PDE4D: variants seen among roughly 807,000 people sequenced by gnomAD.
PDE4D encodes the protein phosphodiesterase 4D, also known as 3',5'-cyclic-AMP phosphodiesterase 4D.
In PDE4D, 24 loss-of-function variants were observed where a neutral mutation model predicts 87.4. The observed-to-expected ratio is 0.27, with a 90% CI of 0.20 to 0.39. The LOEUF (loss-of-function observed/expected upper bound fraction) is 0.39, where lower values mean the gene tolerates loss of function less well. Ranked by LOEUF, PDE4D falls within the 10% of genes least tolerant of loss-of-function variation. The probability of loss-of-function intolerance (pLI) is 1.00; values close to 1 mark genes in which losing one functional copy is unlikely to be tolerated. For missense variants in PDE4D, 714 were observed against 1,041.0 expected (o/e 0.69, Z 4.32); for synonymous variants, 384 against 383.2 (o/e 1.00, Z -0.02).
intron 1 of PDE4D, among the ~76,000 whole-genome samples, chr5:59,410,090 C>A (rs1230750503): frequency 6.6e-6 from 1 of 152,106 alleles, no homozygotes; most frequent in African/African-American, 2.4e-5. Context: ...CAATTATATT[C>A]TTTTAGTTGC....
chr5:59,019,367 CTTATT>C (rs1286942063), intron 6 of PDE4D, among the ~76,000 whole-genome samples: 2 of 152,080 alleles, frequency 1.3e-5, no homozygotes, highest in Non-Finnish European at 2.9e-5. Context: ...CTAAAGTCAC[CTTATT>C]TTAGTTTCTT....
chr5:59,980,613 C>T (rs4699948), intron 3 of PDE4D, among the ~76,000 whole-genome samples: 51,643 of 152,030 alleles, frequency 0.34, 10,858 homozygotes, highest in East Asian at 0.72. Flanking sequence ...TGCTGCTTTA[C>T]TGACACACAG....
chr5:60,250,080 A>G (rs1479294215), intron 1 of PDE4D, among the ~76,000 whole-genome samples: 1 of 152,026 alleles, frequency 6.6e-6, no homozygotes, highest in African/African-American at 2.4e-5. Flanking sequence ...TAGAAAATGT[A>G]TATTTTCTGT....
intron 2 of PDE4D, among the ~76,000 whole-genome samples, chr5:60,064,163 C>T (rs1474408001): frequency 2.0e-5 from 3 of 152,076 alleles, no homozygotes; most frequent in Middle Eastern, 3.4e-3. Flanking sequence ...AATAATAAAT[C>T]TATTTCCATT....
chr5:60,402,005 T>C (rs544267821), intron 1 of PDE4D, among the ~76,000 whole-genome samples: 2 of 152,072 alleles, frequency 1.3e-5, no homozygotes, highest in African/African-American at 4.8e-5. Context: ...ATAACTCCAA[T>C]CAACCAAGAG....
At chr5:59,496,389 G>C (rs555073753) in intron 1 of PDE4D, among the ~76,000 whole-genome samples, 11 of 152,294 alleles carry the variant, frequency 7.2e-5, no homozygotes, top group Admixed American at 4.6e-4. Flanking sequence ...GGGCCCAAAG[G>C]CTGGAGTGCC....
At chr5:60,415,894 C>G (rs925255672) in intron 1 of PDE4D, among the ~76,000 whole-genome samples, 11 of 152,354 alleles carry the variant, frequency 7.2e-5, no homozygotes, top group African/African-American at 2.6e-4. Flanking sequence ...CTGGTGGGGA[C>G]TTGGAGAATC....
Position 59,538,662 on chromosome 5 carries a change from A to G in PDE4D, c.456-322694T>C, listed in dbSNP as rs117632019. ...TTTCCTTCAGCACTGTCCTTCCCCAATACACTCTCTACAGCACAGCCAAAT... is the reference window on the plus strand; with the variant it reads ...TTTCCTTCAGCACTGTCCTTCCCCAGTACACTCTCTACAGCACAGCCAAAT... On this transcript the variant is annotated intron_variant, in intron 1 of 14. Coordinates refer to ENST00000340635, the MANE Select transcript of PDE4D (RefSeq NM_001104631.2). Among the ~76,000 whole-genome samples the G allele has an allele frequency of 1.1e-3, 168 of 152,128 alleles. 4 individuals carry two copies. In the East Asian group the frequency reaches 0.027, roughly 25 times the overall value.
chr5:60,279,675 T>C (rs1687654103), intron 1 of PDE4D, among the ~76,000 whole-genome samples: 1 of 149,070 alleles, frequency 6.7e-6, no homozygotes, highest in Non-Finnish European at 1.5e-5. Flanking sequence ...ATTTTTGTGT[T>C]GTTGATTTCT....
intron 1 of PDE4D, among the ~76,000 whole-genome samples, chr5:59,708,851 C>A (rs865795414): frequency 2.6e-4 from 40 of 151,486 alleles, no homozygotes; most frequent in South Asian, 8.4e-4. Flanking sequence ...ACGTGAAAGT[C>A]ACCCTGAGTT....
At position 58,999,905 on chromosome 5, in the gene PDE4D, C is replaced by T. The variant is rs1750129693; in HGVS notation, c.922-6440G>A. 5.1e-6 allele frequency: 5 copies of T among 986,024 alleles called. No individual in the cohort carries two copies. In the African/African-American group the frequency reaches 7.0e-5, roughly 14 times the overall value. 61.1% of individuals were successfully genotyped at this position (986,024 alleles called of 1,614,324 possible). A position where few individuals can be genotyped will look rare whatever the true frequency, so the allele number is the denominator to read the frequency against. The stretch of plus-strand genomic sequence containing the variant: ...ATGCTTAGTTGCAAGAAAGGCTAGT[C>T]CTGTCAAAAGCTACCAAATAAGGAA... On this transcript the variant is annotated intron_variant, in intron 6 of 14. Coordinates refer to ENST00000340635, the MANE Select transcript of PDE4D (RefSeq NM_001104631.2).
chr5:58,981,440 A>AGG (rs1745117788), intron 11 of PDE4D, among the ~76,000 whole-genome samples: 2 of 151,060 alleles, frequency 1.3e-5, no homozygotes, highest in East Asian at 3.9e-4. Flanking sequence ...AAATACTTAA[A>AGG]TACTAATATA....
At chr5:59,022,812 T>G (rs1755440905) in intron 6 of PDE4D, among the ~76,000 whole-genome samples, 1 of 152,226 alleles carries the variant, frequency 6.6e-6, no homozygotes, top group African/African-American at 2.4e-5. Context: ...TTGCTGAAAT[T>G]GCTCTTGCTA....
intron 6 of PDE4D, among the ~76,000 whole-genome samples, chr5:59,001,175 C>G (rs1441434748): frequency 6.6e-6 from 1 of 152,134 alleles, no homozygotes; most frequent in Non-Finnish European, 1.5e-5. Context: ...AACTTTAATA[C>G]TAAAGAGGTC....
upstream of PDE4D, among the ~76,000 whole-genome samples, chr5:59,898,483 G>C (rs773492176): frequency 1.3e-5 from 2 of 152,196 alleles, no homozygotes; most frequent in Non-Finnish European, 2.9e-5. Flanking sequence ...ACAGCTCAGT[G>C]AGTCCTCACC....
intron 1 of PDE4D, among the ~76,000 whole-genome samples, chr5:59,581,736 C>T (rs1824195041): frequency 6.6e-6 from 1 of 152,098 alleles, no homozygotes; most frequent in Non-Finnish European, 1.5e-5. Flanking sequence ...AACACTAAAA[C>T]ATAAACATTT....
intron 1 of PDE4D, among the ~76,000 whole-genome samples, chr5:59,714,757 T>C (rs1754745686): frequency 6.6e-6 from 1 of 152,252 alleles, no homozygotes; most frequent in Non-Finnish European, 1.5e-5. Flanking sequence ...TCATATGTCA[T>C]GGTCTTATTG....
intron 1 of PDE4D, among the ~76,000 whole-genome samples, chr5:60,375,571 T>A (rs1761366926): frequency 6.6e-6 from 1 of 152,294 alleles, no homozygotes; most frequent in Admixed American, 6.5e-5. Flanking sequence ...AGTGACTATG[T>A]GTAAATTTGA....
intron 6 of PDE4D, among the ~76,000 whole-genome samples, chr5:59,034,317 A>G (rs531128522): frequency 6.6e-6 from 1 of 152,254 alleles, no homozygotes; most frequent in South Asian, 2.1e-4. Context: ...TTTTAATCTA[A>G]GATTTAATAT....
Sources: allele counts gnomAD v4.1 joint callset (sites outside exome capture counted in the v4.1 genomes callset), GRCh38; gene constraint gnomAD v4.1.1; transcripts MANE v1.5; gene names NCBI Gene and HGNC (gene_info 2026-07-23, HGNC 2026-07-21).